The following ARMC3 variants were observed in gnomAD, a reference collection of about 807,000 sequenced individuals.
ARMC3 encodes armadillo repeat containing 3, also known as armadillo repeat-containing protein 3.
Under a neutral mutation model 90.3 loss-of-function variants are expected in ARMC3, and 74 were observed. The observed-to-expected ratio is 0.82, with a 90% CI of 0.68 to 0.99. ARMC3 has a LOEUF of 0.99. Ranked by LOEUF, ARMC3 falls within the 50% of genes least tolerant of loss-of-function variation. The probability of loss-of-function intolerance (pLI) is 0.00; values close to 1 mark genes in which losing one functional copy is unlikely to be tolerated. For synonymous variants in ARMC3, 334 were observed against 361.8 expected (o/e 0.92, Z 0.87); for missense variants, 958 against 1,042.8 (o/e 0.92, Z 1.12).
intron 10 of ARMC3, among the ~76,000 whole-genome samples, chr10:22,985,143 C>T (rs532349833): frequency 6.7e-5 from 10 of 148,474 alleles, no homozygotes; most frequent in Non-Finnish European, 1.2e-4. Flanking sequence ...ATCCTCCTAC[C>T]TTGGCCTCCC....
chr10:22,957,450 G>A (rs908485345), intron 4 of ARMC3, among the ~76,000 whole-genome samples: 17 of 152,148 alleles, frequency 1.1e-4, no homozygotes, highest in African/African-American at 3.4e-4. Flanking sequence ...GAGCTCTGAT[G>A]GTAGTTGTGC....
chr10:23,021,166 G>A (rs559597553), intron 16 of ARMC3, among the ~76,000 whole-genome samples: 25 of 152,272 alleles, frequency 1.6e-4, no homozygotes, highest in African/African-American at 2.9e-4. Flanking sequence ...TGGCTGTATC[G>A]TATTCTATGG....
At chr10:22,944,689 C>G (rs1834457377) in intron 2 of ARMC3, among the ~76,000 whole-genome samples, 1 of 152,196 alleles carries the variant, frequency 6.6e-6, no homozygotes, top group African/African-American at 2.4e-5. Flanking sequence ...TGGGGCTACC[C>G]TTTAATACCT....
intron 2 of ARMC3, among the ~76,000 whole-genome samples, chr10:22,938,128 C>G (rs1019181206): frequency 6.6e-6 from 1 of 152,070 alleles, no homozygotes; most frequent in South Asian, 2.1e-4. Flanking sequence ...CTTGGGCAGG[C>G]CTTCTTGTGG....
chr10:22,986,110 G>GC (rs147031860), intron 10 of ARMC3, among the ~76,000 whole-genome samples: 8,222 of 101,352 alleles, frequency 0.081, 661 homozygotes, highest in African/African-American at 0.19. Context: ...TGCACTGCAC[G>GC]CCCCCCCCCC....
At chr10:22,943,885 G>T (rs1332303888) in intron 2 of ARMC3, among the ~76,000 whole-genome samples, 3 of 150,678 alleles carry the variant, frequency 2.0e-5, no homozygotes, top group Non-Finnish European at 4.4e-5. Context: ...AGTGAGCCAA[G>T]ATCGCGCCAT....
intron 10 of ARMC3, among the ~76,000 whole-genome samples, chr10:22,986,151 A>G (rs1334406986): frequency 7.0e-6 from 1 of 143,692 alleles, no homozygotes; most frequent in Non-Finnish European, 1.5e-5. Context: ...GCATCCATGA[A>G]GGGAGCAGCC....
At chr10:22,971,477 A>G (rs113781203) in intron 8 of ARMC3, among the ~76,000 whole-genome samples, 4 of 139,132 alleles carry the variant, frequency 2.9e-5, no homozygotes, top group African/African-American at 5.4e-5. Flanking sequence ...GTCTCGCTCC[A>G]TCACCCAGGC....
intron 16 of ARMC3, 125 bp downstream of exon 16, chr10:23,009,056 T>G (rs1837790315): frequency 1.4e-6 from 1 of 713,182 alleles, no homozygotes; most frequent in African/African-American, 1.8e-5. Context: ...GAGATGAAAT[T>G]TAAAAGAAAC....
At chr10:22,938,365 A>G (rs1258529737) in intron 2 of ARMC3, among the ~76,000 whole-genome samples, 1 of 152,140 alleles carries the variant, frequency 6.6e-6, no homozygotes, top group Non-Finnish European at 1.5e-5. Context: ...AGCAAGTTGG[A>G]TTTTTCCCTA....
At chr10:22,998,530 C>A in intron 11 of ARMC3, 133 bp downstream of exon 11, 1 of 1,193,106 alleles carries the variant, frequency 8.4e-7, no homozygotes, top group Non-Finnish European at 1.1e-6. Flanking sequence ...CAGTGGAAAA[C>A]GAATTGGCAT....
chr10:22,964,184 C>T (rs1024225530), intron 7 of ARMC3, among the ~76,000 whole-genome samples: 2 of 152,028 alleles, frequency 1.3e-5, no homozygotes, highest in Non-Finnish European at 2.9e-5. Flanking sequence ...ATATGAACTA[C>T]ATGGGGATAA....
intron 8 of ARMC3, among the ~76,000 whole-genome samples, chr10:22,977,720 T>A (rs1256530337): frequency 1.3e-5 from 2 of 152,232 alleles, no homozygotes; most frequent in African/African-American, 2.4e-5. Flanking sequence ...CAGAGGTGGT[T>A]TAATTTTCTT....
chr10:23,037,583 T>C lies in ARMC3; in HGVS notation c.*104T>C. 3 of 1,025,858 alleles carry C rather than the reference T, an allele frequency of 2.9e-6. No individual in the cohort carries two copies. Among genetic ancestry groups the C allele is most frequent in the Non-Finnish European group, 4.0e-6 (3 of 748,840 alleles). The allele number at this position is 1,025,858 out of a possible 1,614,324, so 63.5% of individuals were successfully genotyped here. A position where few individuals can be genotyped will look rare whatever the true frequency, so the allele number is the denominator to read the frequency against. ...TATCTCTTTAAATAAAAACTTTAAA[T>C]AAAAGTATTAGAAATGTTTTCTCTG... On this transcript the variant is annotated 3_prime_UTR_variant, in exon 19 of 19. Coordinates refer to ENST00000298032, the MANE Select transcript of ARMC3 (RefSeq NM_173081.5).
intron 3 of ARMC3, among the ~76,000 whole-genome samples, chr10:22,948,605 A>G (rs1834626553): frequency 6.6e-6 from 1 of 152,192 alleles, no homozygotes; most frequent in Non-Finnish European, 1.5e-5. Context: ...ATATGAAATA[A>G]CAGTTGACAA....
chr10:23,001,722 C>G (rs550573420), intron 11 of ARMC3, among the ~76,000 whole-genome samples, 197 bp from the exon 12 acceptor site: 1 of 152,244 alleles, frequency 6.6e-6, no homozygotes, highest in Non-Finnish European at 1.5e-5. Context: ...TCCCAGGGCC[C>G]GAAAACCGGG....
At chr10:23,035,433 T>A (rs892343441) in intron 18 of ARMC3, among the ~76,000 whole-genome samples, 3 of 152,040 alleles carry the variant, frequency 2.0e-5, no homozygotes, top group Non-Finnish European at 4.4e-5. Context: ...CTCAACTGAG[T>A]CATGCAATTA....
At chr10:22,970,433 A>G (rs1004903323) in intron 8 of ARMC3, among the ~76,000 whole-genome samples, 3 of 152,228 alleles carry the variant, frequency 2.0e-5, no homozygotes, top group Non-Finnish European at 4.4e-5. Context: ...GGACATTATA[A>G]GCCCAGTTAA....
In ARMC3 at chr10:23,016,201, G is replaced by T. The variant is rs1216472679; in HGVS notation, c.2045+7270G>T. ...AATTTATTGAATGCTGCCTGGTATT[G>T]TGATTATTTTCCACATAACAAAATC... On this transcript the variant is annotated intron_variant, in intron 16 of 18. Coordinates refer to ENST00000298032, the MANE Select transcript of ARMC3 (RefSeq NM_173081.5). Among the ~76,000 whole-genome samples the T allele has an allele frequency of 3.9e-5, 6 of 152,150 alleles. No individual in the cohort carries two copies. The East Asian group carries it at 1.2e-3, about 29-fold the overall frequency.
Sources: allele counts gnomAD v4.1 joint callset (sites outside exome capture counted in the v4.1 genomes callset), GRCh38; gene constraint gnomAD v4.1.1; transcripts MANE v1.5; gene names NCBI Gene and HGNC (gene_info 2026-07-23, HGNC 2026-07-21).